KDM3B: variants seen among roughly 807,000 people sequenced by gnomAD.
KDM3B encodes the protein lysine-specific demethylase 3B.
KDM3B carries 10 observed loss-of-function variants against 170.0 expected under a neutral mutation model. That is an observed-to-expected ratio of 0.06 (90% CI 0.04 to 0.10). KDM3B has a LOEUF of 0.10. KDM3B is among the 10% of genes least tolerant of loss of function. The probability of loss-of-function intolerance (pLI) is 1.00; values close to 1 mark genes in which losing one functional copy is unlikely to be tolerated. For synonymous variants in KDM3B, 831 were observed against 834.8 expected (o/e 1.00, Z 0.08); for missense variants, 1,394 against 2,195.2 (o/e 0.64, Z 7.29).
intron 6 of KDM3B, among the ~76,000 whole-genome samples, chr5:138,384,126 G>T (rs1762195091): frequency 6.7e-6 from 1 of 150,066 alleles, no homozygotes; most frequent in Non-Finnish European, 1.5e-5. Flanking sequence ...GGCACCTGTA[G>T]TCCCAGCTAC....
chr5:138,419,728 T>TACACACACACACAC (rs144047213), intron 14 of KDM3B, among the ~76,000 whole-genome samples: 2,107 of 122,078 alleles, frequency 0.017, 34 homozygotes, highest in Middle Eastern at 0.024. Context: ...TACACACACA[T>TACACACACACACAC]ACACACACAC....
At chr5:138,426,880 A>G (rs1459634527) in intron 17 of KDM3B, 95 bp from the exon 18 acceptor site, 3 of 639,714 alleles carry the variant, frequency 4.7e-6, no homozygotes, top group Admixed American at 6.4e-5. Flanking sequence ...AAAAAAAAAA[A>G]GAAAAAAAAG....
At chr5:138,428,773 C>T (rs1763457876) in intron 20 of KDM3B, among the ~76,000 whole-genome samples, 1 of 152,068 alleles carries the variant, frequency 6.6e-6, no homozygotes, top group Non-Finnish European at 1.5e-5. Context: ...ATGATAAAGC[C>T]AGGACCTTCA....
At chr5:138,400,035 A>G in intron 11 of KDM3B, 23 bp downstream of exon 11, 1 of 1,611,572 alleles carries the variant, frequency 6.2e-7, no homozygotes, top group South Asian at 1.1e-5. Flanking sequence ...TGTCCTGTGT[A>G]GCTCGAAAGG....
At chr5:138,422,418 C>T (rs1278455008) in intron 15 of KDM3B, among the ~76,000 whole-genome samples, 1 of 152,190 alleles carries the variant, frequency 6.6e-6, no homozygotes, top group Non-Finnish European at 1.5e-5. Context: ...GGACAGATCA[C>T]TTGAGGTCAG....
chr5:138,407,672 G>A (rs1762857578), intron 11 of KDM3B, among the ~76,000 whole-genome samples: 2 of 152,126 alleles, frequency 1.3e-5, no homozygotes, highest in South Asian at 2.1e-4. Flanking sequence ...ACAACCCATC[G>A]GAATGGCTAA....
At chr5:138,435,472 G>A in intron 23 of KDM3B, 148 bp from the exon 24 acceptor site, 1 of 628,644 alleles carries the variant, frequency 1.6e-6, no homozygotes, top group Non-Finnish European at 2.9e-6. Flanking sequence ...CATGCCCTAT[G>A]TGATTTGTAA....
chr5:138,396,716 GC>G (rs2126957760), intron 9 of KDM3B, among the ~76,000 whole-genome samples: 1 of 152,144 alleles, frequency 6.6e-6, no homozygotes, highest in East Asian at 1.9e-4. Context: ...TTGTTTTCTG[GC>G]TCCTCTTTTC....
intron 11 of KDM3B, among the ~76,000 whole-genome samples, chr5:138,404,778 C>A (rs1023767293): frequency 9.2e-5 from 14 of 151,892 alleles, no homozygotes; most frequent in African/African-American, 3.1e-4. Flanking sequence ...GGCTGAAGTG[C>A]AGGGGTGTGA....
chr5:138,366,739 A>G (rs969213618), intron 1 of KDM3B, among the ~76,000 whole-genome samples: 3 of 152,342 alleles, frequency 2.0e-5, no homozygotes, highest in Non-Finnish European at 4.4e-5. Flanking sequence ...CTAGGGAGGA[A>G]CTAGACTTGT....
rs781403419 is a variant in KDM3B, at chr5:138,392,301, C to T, written c.2629+40C>T. On this transcript the variant is annotated intron_variant, in intron 8 of 23. Transcript: ENST00000314358. The stretch of plus-strand genomic sequence containing the variant: ...GCTATATTTGGGCTTTGCTCTGGCA[C>T]TGGGCTCAAATGCCTGTCGTGTTCT... The T allele has an allele frequency of 3.4e-6, 5 of 1,455,562 alleles. No individual in the cohort carries two copies. The South Asian group carries it at 6.4e-5, about 19-fold the overall frequency. The allele number at this position is 1,455,562 out of a possible 1,614,324, so 90.2% of individuals were successfully genotyped here.
chr5:138,386,601 C>G lies in KDM3B; in HGVS notation c.1360C>G (p.Arg454Gly). 2 of 1,612,432 alleles carry G rather than the reference C, an allele frequency of 1.2e-6. No individual in the cohort carries two copies. The highest frequency in any genetic ancestry group is 1.7e-6 in the Non-Finnish European group (2 of 1,178,574). The change falls in exon 7 of 24, where the codon CGG becomes GGG. Residue 454 changes from arginine (R) to glycine (G), a missense_variant. Coordinates refer to ENST00000314358, the MANE Select transcript of KDM3B (RefSeq NM_016604.4). Reference protein sequence around the residue: ...GTVPEKQKGSRSQASGENSRN... With the variant: ...GTVPEKQKGSGSQASGENSRN... The stretch of plus-strand genomic sequence containing the variant: ...TGTGCCAGAAAAACAGAAAGGCAGC[C>G]GGTCGCAGGCCTCGGGAGAGGTGAG...
chr5:138,435,548 G>A (rs1763652104), intron 23 of KDM3B, 72 bp from the exon 24 acceptor site: 1 of 1,203,064 alleles, frequency 8.3e-7, no homozygotes, highest in South Asian at 1.3e-5. Context: ...AAACCAGTAG[G>A]CTTACAGTCA....
intron 1 of KDM3B, among the ~76,000 whole-genome samples, chr5:138,360,351 A>G (rs1378463274): frequency 6.6e-6 from 1 of 152,118 alleles, no homozygotes; most frequent in African/African-American, 2.4e-5. Context: ...TAAAAATGAC[A>G]TTGTACTTTT....
chr5:138,379,526 A>G, intron 4 of KDM3B, 58 bp from the exon 5 acceptor site: 1 of 1,518,926 alleles, frequency 6.6e-7, no homozygotes, highest in Non-Finnish European at 8.9e-7. Context: ...GCTTTTAGGA[A>G]CAATTATGAA....
intron 1 of KDM3B, among the ~76,000 whole-genome samples, chr5:138,355,494 A>G (rs896818777): frequency 2.6e-5 from 4 of 152,238 alleles, no homozygotes; most frequent in African/African-American, 9.6e-5. Context: ...TAAGGTTCTC[A>G]TAGGTGGACA....
intron 1 of KDM3B, among the ~76,000 whole-genome samples, chr5:138,368,212 GTTC>G (rs1048867912): frequency 7.3e-5 from 11 of 150,438 alleles, no homozygotes; most frequent in African/African-American, 2.2e-4. Context: ...TAAAATGGTT[GTTC>G]TTCTTCTTTT....
Position 138,391,589 on chromosome 5 carries a change from G to C in KDM3B, c.1957G>C (p.Ala653Pro). The C allele has an allele frequency of 6.2e-7, 1 of 1,614,040 alleles. No homozygotes were observed. The highest frequency in any genetic ancestry group is 1.6e-4 in the Middle Eastern group (1 of 6,062). ...KVEHSPFSSF[A>P]SQASGSSSSA... The stretch of plus-strand genomic sequence containing the variant: ...TGAACACAGCCCTTTCAGTAGTTTT[G>C]CATCTCAGGCATCAGGTAGCTCCTC... Residue 653 changes from alanine to proline, a missense_variant, in exon 8 of 24, where the codon GCA becomes CCA. By Grantham distance (27) the Ala-to-Pro change is conservative. Around this residue, in one of 19 missense-constraint regions of KDM3B, gnomAD observed 294 missense variants for 311.7 expected, o/e 0.94. Coordinates refer to ENST00000314358, the MANE Select transcript of KDM3B (RefSeq NM_016604.4). This position sits in a 1 kb window ranked among gnomAD's most constrained non-coding sequence, Gnocchi z 5.0.
At chr5:138,359,440 G>A (rs1344230353) in intron 1 of KDM3B, among the ~76,000 whole-genome samples, 1 of 150,504 alleles carries the variant, frequency 6.6e-6, no homozygotes, top group African/African-American at 2.4e-5. Flanking sequence ...GGGATTACAG[G>A]TGTGAGCCAC....
Sources: allele counts gnomAD v4.1 joint callset (sites outside exome capture counted in the v4.1 genomes callset), GRCh38; gene constraint gnomAD v4.1.1; regional missense constraint gnomAD v4.1.1; non-coding constraint Gnocchi (gnomAD v3.1); transcripts MANE v1.5; gene names NCBI Gene and HGNC (gene_info 2026-07-23, HGNC 2026-07-21).